The following RBPJ variants were observed in gnomAD, a reference collection of about 807,000 sequenced individuals.
RBPJ encodes the protein recombining binding protein suppressor of hairless.
In RBPJ, 9 loss-of-function variants were observed where a neutral mutation model predicts 67.8. That is an observed-to-expected ratio of 0.13 (90% CI 0.08 to 0.23). RBPJ has a LOEUF of 0.23. Among genes scored for constraint, RBPJ ranks in the 10% least tolerant of loss-of-function variants. The pLI, the probability that RBPJ is intolerant of heterozygous loss-of-function variation, is 1.00. For synonymous variants in RBPJ, 198 were observed against 203.3 expected (o/e 0.97, Z 0.22); for missense variants, 305 against 595.6 (o/e 0.51, Z 5.08).
At chr4:26,404,931 T>C (rs1206199335) in intron 2 of RBPJ, among the ~76,000 whole-genome samples, 1 of 152,228 alleles carries the variant, frequency 6.6e-6, no homozygotes, top group Non-Finnish European at 1.5e-5. Flanking sequence ...AGGCGTTCCC[T>C]TATTGGTGCT....
At chr4:26,177,004 T>C (rs1279250170) in intron 1 of RBPJ, among the ~76,000 whole-genome samples, 2 of 152,216 alleles carry the variant, frequency 1.3e-5, no homozygotes, top group African/African-American at 2.4e-5. Flanking sequence ...ATTCAGTAAA[T>C]GTAAAGTTGC....
At chr4:26,301,629 A>G (rs1470819286) in intron 1 of RBPJ, among the ~76,000 whole-genome samples, 1 of 151,570 alleles carries the variant, frequency 6.6e-6, no homozygotes, top group Non-Finnish European at 1.5e-5. Context: ...TTTTTTTTAC[A>G]TGCATGCAGT....
At chr4:26,275,779 C>T (rs1348673375) in intron 1 of RBPJ, among the ~76,000 whole-genome samples, 2 of 151,894 alleles carry the variant, frequency 1.3e-5, no homozygotes, top group Admixed American at 1.3e-4. Context: ...TACAGGCGTG[C>T]ACCACCACAC....
At chr4:26,186,195 A>T (rs1265934574) in intron 1 of RBPJ, among the ~76,000 whole-genome samples, 18 of 87,756 alleles carry the variant, frequency 2.1e-4, no homozygotes, top group African/African-American at 3.7e-4. Context: ...TTTTTTTTAA[A>T]AAAAAAAAAA....
the RBPJ span, among the ~76,000 whole-genome samples, chr4:26,110,748 C>G: frequency 6.6e-6 from 1 of 152,144 alleles, no homozygotes; most frequent in Non-Finnish European, 1.5e-5. The surrounding 1 kb of genome is among the most constrained non-coding windows in gnomAD (Gnocchi z 4.5). Context: ...ATGGCCTCCA[C>G]GGTGCTGGTG....
At chr4:26,279,201 C>T (rs1421315919) in intron 1 of RBPJ, among the ~76,000 whole-genome samples, 1 of 152,098 alleles carries the variant, frequency 6.6e-6, no homozygotes, top group African/African-American at 2.4e-5. Flanking sequence ...AAATTCAATC[C>T]AGTTGGGCAG....
chr4:26,162,518 T>C (rs758409403), upstream of RBPJ, among the ~76,000 whole-genome samples: 1 of 152,238 alleles, frequency 6.6e-6, no homozygotes, highest in Admixed American at 6.5e-5. Context: ...GTGCTTATCA[T>C]TGTAGAACTG....
At chr4:26,237,773 A>G (rs879664137) in intron 1 of RBPJ, among the ~76,000 whole-genome samples, 4 of 152,360 alleles carry the variant, frequency 2.6e-5, no homozygotes, top group Non-Finnish European at 5.9e-5. Flanking sequence ...TAAATAATAA[A>G]GATACCTAGC....
At chr4:26,244,964 C>A (rs554271468) in intron 1 of RBPJ, among the ~76,000 whole-genome samples, 1 of 151,070 alleles carries the variant, frequency 6.6e-6, no homozygotes, top group Admixed American at 6.7e-5. Context: ...TTTTAAATGC[C>A]GATTGTTATT....
chr4:26,109,687 G>C, the RBPJ span, among the ~76,000 whole-genome samples: 2 of 63,060 alleles, frequency 3.2e-5, no homozygotes, highest in Admixed American at 2.1e-4. Context: ...TATATATACA[G>C]CCACTGTGCC....
At chr4:26,111,590 A>G in the RBPJ span, among the ~76,000 whole-genome samples, 2 of 152,120 alleles carry the variant, frequency 1.3e-5, no homozygotes, top group African/African-American at 4.8e-5. Context: ...GGCTTCCCCC[A>G]ACTTCCTGGC....
chr4:26,211,788 A>G (rs1446331629), intron 1 of RBPJ, among the ~76,000 whole-genome samples: 1 of 152,190 alleles, frequency 6.6e-6, no homozygotes, highest in Non-Finnish European at 1.5e-5. Flanking sequence ...CTGAACCTCT[A>G]ATGCCCCTTA....
intron 1 of RBPJ, among the ~76,000 whole-genome samples, chr4:26,231,891 A>T (rs944070614): frequency 2.0e-5 from 3 of 146,838 alleles, no homozygotes; most frequent in African/African-American, 7.5e-5. Context: ...ATTTATTTTT[A>T]TTTATTTATT....
intron 1 of RBPJ, among the ~76,000 whole-genome samples, chr4:26,372,930 T>C (rs1036194543): frequency 1.5e-4 from 23 of 152,284 alleles, no homozygotes; most frequent in African/African-American, 4.3e-4. Context: ...GCCTGCTCTT[T>C]TGGTCCTAGC....
intron 1 of RBPJ, among the ~76,000 whole-genome samples, chr4:26,340,415 G>A (rs79118422): frequency 0.011 from 1,701 of 152,258 alleles, 39 homozygotes; most frequent in African/African-American, 0.038. Flanking sequence ...AGACAAAGAG[G>A]AACTTAGTTT....
chr4:26,326,283 T>C lies in RBPJ; in HGVS notation c.20+5235T>C, dbSNP rs542479516. Among the ~76,000 whole-genome samples, 48 of 152,282 alleles carry C rather than the reference T, an allele frequency of 3.2e-4. 1 individual carries two copies. The highest frequency in any genetic ancestry group is 7.8e-4 in the Admixed American group (12 of 15,292). On this transcript the variant is annotated intron_variant, in intron 1 of 10. Transcript: ENST00000355476. ...ATATTTTCAGCCACAAGCAATCTCA[T>C]AGCCCCTGAGAACATTATAGTAAGG...
At chr4:26,221,950 G>T (rs368862422) in intron 1 of RBPJ, among the ~76,000 whole-genome samples, 2 of 152,150 alleles carry the variant, frequency 1.3e-5, no homozygotes, top group African/African-American at 2.4e-5. Flanking sequence ...TGAGAGGGAT[G>T]GGGGGAGGGC....
chr4:26,132,542 G>A, the RBPJ span, among the ~76,000 whole-genome samples: 2 of 152,170 alleles, frequency 1.3e-5, no homozygotes, highest in Admixed American at 6.5e-5. Flanking sequence ...ACCCTTGGCT[G>A]TGGAAGCTGG....
intron 1 of RBPJ, among the ~76,000 whole-genome samples, chr4:26,164,210 T>C (rs1265843979): frequency 6.6e-6 from 1 of 152,230 alleles, no homozygotes; most frequent in Non-Finnish European, 1.5e-5. Context: ...GTCTTCAACA[T>C]TGTAATTTAG....
Sources: allele counts gnomAD v4.1 joint callset (sites outside exome capture counted in the v4.1 genomes callset), GRCh38; gene constraint gnomAD v4.1.1; non-coding constraint Gnocchi (gnomAD v3.1); transcripts MANE v1.5; gene names NCBI Gene and HGNC (gene_info 2026-07-23, HGNC 2026-07-21).